Variants in PLEC observed in about 807,000 individuals in gnomAD.
PLEC encodes plectin, also known as hemidesmosomal protein 1.
A neutral mutation model predicts 392.8 loss-of-function variants in PLEC; 216 were observed. The ratio of observed to expected loss-of-function variants is 0.55; its 90% confidence interval spans 0.49 to 0.62. The LOEUF is 0.62. Among genes scored for constraint, PLEC ranks in the 20% least tolerant of loss-of-function variants. The pLI, the probability that PLEC is intolerant of heterozygous loss-of-function variation, is 0.00. For synonymous variants in PLEC, 3,621 were observed against 2,980.6 expected (o/e 1.21, Z -7.00); for missense variants, 6,863 against 6,563.4 (o/e 1.05, Z -1.58).
At position 143,929,898 on chromosome 8, in the gene PLEC, T is replaced by G. The variant is rs782165061; in HGVS notation, c.2739+38A>C. On this transcript the variant is annotated intron_variant, in intron 22 of 31. Transcript: ENST00000345136. ...GCCCTGCACAACGCCTCTCCCCTCC[T>G]CCCACCCAGAGAGCCCCCGGCTCGG... 8 of 1,604,548 alleles carry G rather than the reference T, an allele frequency of 5.0e-6. No individual in the cohort carries two copies. The East Asian group carries it at 1.8e-4, about 36-fold the overall frequency.
chr8:143,921,945 G>A lies in PLEC; in HGVS notation c.7876C>T (p.Leu2626=), dbSNP rs1278378009. The A allele has an allele frequency of 3.1e-6, 5 of 1,599,084 alleles. No homozygotes were observed. The highest frequency in any genetic ancestry group is 3.4e-6 in the Non-Finnish European group (4 of 1,179,814). Residue 2626 remains leucine (L), a synonymous_variant, in exon 32 of 32, where the codon CTG becomes TTG. Coordinates refer to ENST00000345136, the MANE Select transcript of PLEC (RefSeq NM_201384.3). ...TCAAGTGCATCCCGGCCATTGGGCA[G>A]GGTCTTTGTGGCAGCCACCTGCGAG... is the stretch of plus-strand genomic sequence containing the variant. ...TASQVAATKT[L]PNGRDALDGP... is the part of the protein sequence containing the mutation.
Position 143,950,823 on chromosome 8 carries a change from AG to A in PLEC, c.-118del. The A allele has an allele frequency of 4.7e-6, 7 of 1,493,694 alleles. No individual in the cohort carries two copies. The South Asian group carries it at 9.0e-5, about 19-fold the overall frequency. 92.5% of individuals were successfully genotyped at this position (1,493,694 alleles called of 1,614,324 possible). On this transcript the variant is annotated 5_prime_UTR_variant, in exon 1 of 32. Transcript: ENST00000322810. ...ACAGGGTGTGACAGCGGGCAGCGGC[AG>A]GGCAGGCGGGCGGGCAGGCAGGCTG...
At chr8:143,973,550 C>T, upstream of PLEC, 1 of 1,115,066 alleles carries the variant, frequency 9.0e-7, no homozygotes, top group South Asian at 4.3e-5. The surrounding 1 kb of genome is among the most constrained non-coding windows in gnomAD (Gnocchi z 5.6). Context: ...CCGCGCGCGC[C>T]GCTTAAAGAG....
At chr8:143,945,285 T>C in intron 1 of PLEC, 1 of 461,564 alleles carries the variant, frequency 2.2e-6, no homozygotes, top group Non-Finnish European at 4.4e-6. Flanking sequence ...TCTCCTGGGG[T>C]CCCAGGGATC....
chr8:143,956,022 C>T (rs937041794), upstream of PLEC, among the ~76,000 whole-genome samples: 1 of 149,692 alleles, frequency 6.7e-6, no homozygotes, highest in African/African-American at 2.5e-5. Context: ...GTGATCTTGG[C>T]TCACTGCAAC....
Position 143,923,654 on chromosome 8 carries a change from T to A in PLEC, c.6275A>T (p.Glu2092Val). 6.4e-7 allele frequency: 1 copy of A among 1,570,866 alleles called. No homozygotes were observed. The highest frequency in any genetic ancestry group is 8.6e-7 in the Non-Finnish European group (1 of 1,165,990). ...EAEAARRAAE[E>V]AEEARVQAER... ...CGCCTGCACCCGGGCCTCCTCCGCC[T>A]CCTCAGCCGCCCGCCGGGCCGCCTC... The change falls in exon 31 of 32, where the codon GAG becomes GTG. Residue 2092 changes from glutamate to valine, a missense_variant. Glu to Val is a moderately radical substitution (Grantham distance 121). Coordinates refer to ENST00000345136, the MANE Select transcript of PLEC (RefSeq NM_201384.3).
At chr8:143,932,276 C>G (rs1554716666) in intron 16 of PLEC, 42 bp from the exon 17 acceptor site, 1 of 1,608,810 alleles carries the variant, frequency 6.2e-7, no homozygotes, top group South Asian at 1.1e-5. Flanking sequence ...CCGGCCACAC[C>G]CGGCTCTGCC....
At chr8:143,937,100 C>A in intron 4 of PLEC, 29 bp from the exon 5 acceptor site, 2 of 1,610,226 alleles carry the variant, frequency 1.2e-6, no homozygotes, top group Non-Finnish European at 1.7e-6. Context: ...CGGTCACGGC[C>A]CACAGGGCGG....
rs547236032 is a variant in PLEC, at chr8:143,925,355, G to A, written c.4574C>T (p.Ala1525Val). The A allele has an allele frequency of 1.3e-6, 2 of 1,553,298 alleles. No individual in the cohort carries two copies. Among genetic ancestry groups the A allele is most frequent in the South Asian group, 1.2e-5 (1 of 86,316 alleles). The change falls in exon 31 of 32, where the codon GCC becomes GTC. Residue 1525 changes from alanine to valine, a missense_variant. Ala to Val is a moderately conservative substitution (Grantham distance 64). Transcript: ENST00000345136. ...CCGCTGCTTCTCGCGCGCCGCCTCG[G>A]CCTCGGCCTTCACGCGCGAGGCCAG... ...VELASRVKAE[A>V]EAAREKQRAL...
chr8:143,916,627 G>C lies in PLEC; in HGVS notation c.13194C>G (p.Ile4398Met), dbSNP rs550089108. 3 of 1,610,036 alleles carry C rather than the reference G, an allele frequency of 1.9e-6. No homozygotes were observed. Among genetic ancestry groups the C allele is most frequent in the East Asian group, 2.2e-5 (1 of 44,814 alleles). The change falls in exon 32 of 32, where the codon ATC (isoleucine) becomes ATG (methionine). Residue 4398 changes from isoleucine to methionine, a missense_variant. Transcript: ENST00000345136. ...GCACGCGGCCCGGCGTGTCGGGCTC[G>C]ATCAAGCCGCCGGTCAGGTACTGCA... ...LEVQYLTGGL[I>M]EPDTPGRVPL...
At chr8:143,931,107 G>A (rs1226783829) in intron 19 of PLEC, among the ~76,000 whole-genome samples, 1 of 152,206 alleles carries the variant, frequency 6.6e-6, no homozygotes, top group African/African-American at 2.4e-5. Flanking sequence ...TATAGTACAA[G>A]GGCTGGCAGT....
chr8:143,933,730 G>A (rs1422890857), intron 12 of PLEC, among the ~76,000 whole-genome samples: 4 of 152,322 alleles, frequency 2.6e-5, no homozygotes, highest in African/African-American at 4.8e-5. Flanking sequence ...AGCCGCTGTC[G>A]GGGAGGGGGC....
rs188387449 is a variant in PLEC at position 143,949,203 on chromosome 8, C to T, written c.523+981G>A. Among the ~76,000 whole-genome samples, 532 of 152,352 alleles carry T rather than the reference C, an allele frequency of 3.5e-3. 2 individuals are homozygous for T. The highest frequency in any genetic ancestry group is 0.012 in the African/African-American group (483 of 41,572). Reference sequence around the variant, plus strand: ...CCTCCCCTGGGCCCCCTCCCCCACACCCTGGCAAATCCTGCCCACCCTGAG... The same window carrying T: ...CCTCCCCTGGGCCCCCTCCCCCACATCCTGGCAAATCCTGCCCACCCTGAG... On this transcript the variant is annotated intron_variant, in intron 1 of 31. Coordinates refer to the PLEC transcript ENST00000322810.
chr8:143,968,806 G>A (rs1165630723), intron 1 of PLEC, among the ~76,000 whole-genome samples: 3 of 152,104 alleles, frequency 2.0e-5, no homozygotes, highest in Admixed American at 2.0e-4. Context: ...GATTCCACTC[G>A]ACACCCACTA....
chr8:143,932,906 C>A lies in PLEC; in HGVS notation c.1624G>T (p.Ala542Ser). 5.0e-6 allele frequency: 8 copies of A among 1,612,582 alleles called. No individual in the cohort carries two copies. Among genetic ancestry groups the A allele is most frequent in the Non-Finnish European group, 6.8e-6 (8 of 1,179,880 alleles). The change falls in exon 14 of 32, where the codon GCT becomes TCT. Residue 542 changes from alanine (A) to serine (S), a missense_variant. Physicochemically the swap from Ala to Ser is moderately conservative, Grantham distance 99 (BLOSUM62 1). Transcript: ENST00000345136. Reference sequence around the variant, plus strand: ...CTGGGCAGGTCCACACCCCACTCAGCGCCATCCACACGGTGCTGGTTCTCC... The same window carrying A: ...CTGGGCAGGTCCACACCCCACTCAGAGCCATCCACACGGTGCTGGTTCTCC... Reference protein sequence around the residue: ...VEENQHRVDGAEWGVDLPSVE... With the variant: ...VEENQHRVDGSEWGVDLPSVE...
chr8:143,955,533 A>G (rs189415069), upstream of PLEC, among the ~76,000 whole-genome samples: 451 of 152,368 alleles, frequency 3.0e-3, 2 homozygotes, highest in African/African-American at 0.01. Flanking sequence ...GTAAACCTCA[A>G]GTGAAAGTGA....
At chr8:143,957,207 T>C (rs1832642246), upstream of PLEC, among the ~76,000 whole-genome samples, 1 of 152,160 alleles carries the variant, frequency 6.6e-6, no homozygotes, top group Non-Finnish European at 1.5e-5. Flanking sequence ...CTGGGCGCCC[T>C]GGTGACGCAG....
chr8:143,942,436 T>A (rs782021395), upstream of PLEC: 6 of 1,604,030 alleles, frequency 3.7e-6, no homozygotes, highest in South Asian at 5.5e-5. Flanking sequence ...GCGGGCCGGC[T>A]CGCAGCCCCC....
In PLEC at chr8:143,920,190, G is replaced by T; in HGVS notation, c.9631C>A (p.Pro3211Thr). The change falls in exon 32 of 32, where the codon CCG (proline) becomes ACG (threonine). Residue 3211 changes from proline to threonine, a missense_variant. Physicochemically the swap from Pro to Thr is conservative, Grantham distance 38. Transcript: ENST00000345136. The stretch of plus-strand genomic sequence containing the variant: ...GCCCGAGCAGCCTTTTCTGAGAGCG[G>T]CAGCAGGCTCAGCCCGGTCAGCTGG... Reference protein sequence around the residue: ...PDQLTGLSLLPLSEKAARARQ... With the variant: ...PDQLTGLSLLTLSEKAARARQ... The T allele has an allele frequency of 1.2e-6, 2 of 1,611,092 alleles. No homozygotes were observed. The highest frequency in any genetic ancestry group is 8.5e-7 in the Non-Finnish European group (1 of 1,179,834).
Sources: gnomAD v4.1 joint callset for allele counts (sites outside exome capture counted in the v4.1 genomes callset) on GRCh38, gnomAD v4.1.1 for gene constraint, Gnocchi (gnomAD v3.1) non-coding constraint, MANE v1.5 for transcripts, NCBI Gene and HGNC (gene_info 2026-07-23, HGNC 2026-07-21) for gene names.